Variants in FRAS1 observed in about 807,000 individuals in gnomAD.
FRAS1 encodes Fraser extracellular matrix complex subunit 1, also known as extracellular matrix organizing protein FRAS1.
Under a neutral mutation model 435.2 loss-of-function variants are expected in FRAS1, and 290 were observed. The observed-to-expected ratio is 0.67, with a 90% CI of 0.61 to 0.73. FRAS1 has a LOEUF of 0.73. Among genes scored for constraint, FRAS1 ranks in the 30% least tolerant of loss-of-function variants. The pLI, the probability that FRAS1 is intolerant of heterozygous loss-of-function variation, is 0.00. For missense variants in FRAS1, 4,860 were observed against 5,001.5 expected (o/e 0.97, Z 0.85); for synonymous variants, 1,800 against 1,851.0 (o/e 0.97, Z 0.71).
intron 30 of FRAS1, among the ~76,000 whole-genome samples, chr4:78,405,051 G>A (rs1385153914): frequency 3.9e-5 from 6 of 152,136 alleles, no homozygotes; most frequent in Non-Finnish European, 8.8e-5. Flanking sequence ...ACAGTCATTA[G>A]TACCTAATGG....
intron 2 of FRAS1, among the ~76,000 whole-genome samples, chr4:78,066,919 G>C (rs1047809889): frequency 6.6e-6 from 1 of 152,100 alleles, no homozygotes; most frequent in Non-Finnish European, 1.5e-5. Flanking sequence ...TTTATATACT[G>C]TAGTTACTGC....
At chr4:78,309,625 C>G (rs11722992) in intron 15 of FRAS1, among the ~76,000 whole-genome samples, 41,188 of 152,148 alleles carry the variant, frequency 0.27, 6,343 homozygotes, top group Non-Finnish European at 0.35. Context: ...CTCTACTGCT[C>G]ATTATAATGT....
chr4:78,128,508 G>C (rs1023331989), intron 2 of FRAS1, among the ~76,000 whole-genome samples: 11 of 152,176 alleles, frequency 7.2e-5, no homozygotes, highest in South Asian at 2.1e-4. Context: ...AGCCAGTGAT[G>C]ATGAGCATTT....
chr4:78,397,125 C>A (rs186611410), intron 29 of FRAS1, among the ~76,000 whole-genome samples: 1 of 152,300 alleles, frequency 6.6e-6, no homozygotes, highest in Non-Finnish European at 1.5e-5. Flanking sequence ...TTCTTGAAGG[C>A]TTGCATCACT....
In FRAS1 at chr4:78,363,542, G is replaced by A. The variant is rs1731157305; in HGVS notation, c.2452G>A (p.Ala818Thr). 6.2e-7 allele frequency: 1 copy of A among 1,613,306 alleles called. No homozygotes were observed. The change falls in exon 21 of 74, where the codon GCT becomes ACT. Residue 818 changes from alanine to threonine, a missense_variant. By Grantham distance (58) the Ala-to-Thr change is moderately conservative. Coordinates refer to ENST00000512123, the MANE Select transcript of FRAS1 (RefSeq NM_025074.7). ...CCATCACCTGTGCCAGCACTGTGCA[G>A]CTGATCTCCACAACACTGGGAGCAT... is the stretch of plus-strand genomic sequence containing the variant. ...DCHHLCQHCA[A>T]DLHNTGSICL...
intron 47 of FRAS1, among the ~76,000 whole-genome samples, chr4:78,455,246 A>C (rs944096343): frequency 3.4e-5 from 5 of 146,632 alleles, no homozygotes; most frequent in African/African-American, 1.3e-4. Context: ...TACTAAAAAT[A>C]CAAAATTTAG....
chr4:78,455,345 T>C (rs557315489), intron 47 of FRAS1, among the ~76,000 whole-genome samples: 2 of 152,210 alleles, frequency 1.3e-5, no homozygotes, highest in African/African-American at 4.8e-5. Context: ...GGCTACAGCT[T>C]AGCAAAAAGG....
rs1729487733 is a variant in FRAS1, at chr4:78,321,112, G to C, written c.2137+2126G>C. On this transcript the variant is annotated intron_variant, in intron 18 of 73. Coordinates refer to ENST00000512123, the MANE Select transcript of FRAS1 (RefSeq NM_025074.7). The stretch of plus-strand genomic sequence containing the variant: ...AAATAAATAAAAATTAGAGTGACCA[G>C]GGTTTTTCAGCCCAGAAAATAATAT... Among the ~76,000 whole-genome samples the C allele has an allele frequency of 2.0e-5, 3 of 152,220 alleles. No individual in the cohort carries two copies. The South Asian group carries it at 6.2e-4, about 32-fold the overall frequency.
chr4:78,489,984 A>AG (rs1259520499), intron 59 of FRAS1, among the ~76,000 whole-genome samples: 2 of 150,788 alleles, frequency 1.3e-5, no homozygotes, highest in Admixed American at 6.6e-5. Context: ...AAAAAAAAAA[A>AG]AAAGAAAAGC....
Position 78,057,683 on chromosome 4 carries a change from C to T in FRAS1, c.-327C>T, listed in dbSNP as rs1739532708. ...CTGGAAGATCCCATCGGCCAGTGACCAGCAACTTTCCGGCGAGATTTTGAC... is the reference window on the plus strand; with the variant it reads ...CTGGAAGATCCCATCGGCCAGTGACTAGCAACTTTCCGGCGAGATTTTGAC... On this transcript the variant is annotated 5_prime_UTR_variant, in exon 1 of 74. Transcript: ENST00000512123. The surrounding 1 kb of genome is among the most constrained non-coding windows in gnomAD (Gnocchi z 4.2). 1 of 407,298 alleles carries T rather than the reference C, an allele frequency of 2.5e-6. No homozygotes were observed. Among genetic ancestry groups the T allele is most frequent in the Non-Finnish European group, 4.4e-6 (1 of 225,702 alleles). 25.2% of individuals were successfully genotyped at this position (407,298 alleles called of 1,614,324 possible). A position where few individuals can be genotyped will look rare whatever the true frequency, so the allele number is the denominator to read the frequency against.
intron 2 of FRAS1, among the ~76,000 whole-genome samples, chr4:78,232,746 A>G (rs1300607046): frequency 6.6e-6 from 1 of 152,252 alleles, no homozygotes; most frequent in African/African-American, 2.4e-5. Context: ...TATCTGGAGT[A>G]TCTCAATTCT....
At chr4:78,380,070 G>C in intron 27 of FRAS1, 74 bp downstream of exon 27, 1 of 1,517,240 alleles carries the variant, frequency 6.6e-7, no homozygotes, top group South Asian at 1.3e-5. Flanking sequence ...CCCTGTCCCA[G>C]CCTCTCTGTC....
At chr4:78,111,679 C>T (rs1742707424) in intron 2 of FRAS1, among the ~76,000 whole-genome samples, 1 of 119,970 alleles carries the variant, frequency 8.3e-6, no homozygotes, top group South Asian at 3.2e-4. Flanking sequence ...GTGCAGCGCA[C>T]CAGCATGGCA....
At chr4:78,399,861 G>C (rs1732813006) in intron 29 of FRAS1, among the ~76,000 whole-genome samples, 1 of 152,066 alleles carries the variant, frequency 6.6e-6, no homozygotes, top group Admixed American at 6.6e-5. Context: ...CCTGCCATTG[G>C]AGCCTGTCTT....
rs532513737 is a variant in FRAS1, at chr4:78,065,201, CTA to C, written c.77-778_77-777del. ...ATATATGTGTATATATGTGTATATA[CTA>C]TATATGTACTATATATGGTATATAG... On this transcript the variant is annotated intron_variant, in intron 1 of 73. Coordinates refer to ENST00000512123, the MANE Select transcript of FRAS1 (RefSeq NM_025074.7). Among the ~76,000 whole-genome samples, 477 of 145,046 alleles carry C rather than the reference CTA, an allele frequency of 3.3e-3. 2 individuals carry two copies. The highest frequency in any genetic ancestry group is 4.9e-3 in the South Asian group (23 of 4,656).
rs779386503 is a variant in FRAS1 at position 78,363,561 on chromosome 4, G to A, written c.2471G>A (p.Gly824Glu). 13 of 1,613,306 alleles carry A rather than the reference G, an allele frequency of 8.1e-6. No homozygotes were observed. Among genetic ancestry groups the A allele is most frequent in the South Asian group, 1.1e-5 (1 of 90,820 alleles). Reference protein sequence around the residue: ...QHCAADLHNTGSICLRCQNAH... With the variant: ...QHCAADLHNTESICLRCQNAH... ...TGTGCAGCTGATCTCCACAACACTGGGAGCATCTGCCTCAGGTGCCAGAAT... is the reference window on the plus strand; with the variant it reads ...TGTGCAGCTGATCTCCACAACACTGAGAGCATCTGCCTCAGGTGCCAGAAT... The change falls in exon 21 of 74, where the codon GGG becomes GAG. Residue 824 changes from glycine (G) to glutamate (E), a missense_variant. Transcript: ENST00000512123.
At chr4:78,376,352 T>C (rs1731760045) in intron 26 of FRAS1, among the ~76,000 whole-genome samples, 1 of 152,138 alleles carries the variant, frequency 6.6e-6, no homozygotes, top group African/African-American at 2.4e-5. Context: ...CTGTACAGCA[T>C]GTGAGTGTAC....
Position 78,452,174 on chromosome 4 carries a change from G to T in FRAS1, c.6584-1G>T. ...CAAATCACTATTTCTGATATTTTCA[G>T]AAGACAAATCCCCACCAGTCATCAC... On this transcript the variant is annotated splice_acceptor_variant, in intron 46 of 73. Coordinates refer to ENST00000512123, the MANE Select transcript of FRAS1 (RefSeq NM_025074.7). LOFTEE classifies it high-confidence loss of function. 1.9e-6 allele frequency: 3 copies of T among 1,613,414 alleles called. No individual in the cohort carries two copies. The highest frequency in any genetic ancestry group is 2.5e-6 in the Non-Finnish European group (3 of 1,179,440).
At chr4:78,537,254 C>G in intron 72 of FRAS1, 54 bp downstream of exon 72, 7 of 1,521,134 alleles carry the variant, frequency 4.6e-6, no homozygotes, top group Non-Finnish European at 5.4e-6. Context: ...AGCAGATTTC[C>G]TCAGCTATGA....
Sources: gnomAD v4.1 joint callset for allele counts (sites outside exome capture counted in the v4.1 genomes callset) on GRCh38, gnomAD v4.1.1 for gene constraint, Gnocchi (gnomAD v3.1) non-coding constraint, MANE v1.5 for transcripts, NCBI Gene and HGNC (gene_info 2026-07-23, HGNC 2026-07-21) for gene names.